DNAH5: variants seen among roughly 807,000 people sequenced by gnomAD.
The protein encoded by DNAH5 is dynein axonemal heavy chain 5.
Under a neutral mutation model 518.2 loss-of-function variants are expected in DNAH5, and 372 were observed. The observed-to-expected ratio is 0.72, with a 90% CI of 0.66 to 0.78. The LOEUF is 0.78. Ranked by LOEUF, DNAH5 falls within the 30% of genes least tolerant of loss-of-function variation. DNAH5 has a pLI of 0.00. For synonymous variants in DNAH5, 2,039 were observed against 2,025.9 expected (o/e 1.01, Z -0.17); for missense variants, 5,523 against 5,687.0 (o/e 0.97, Z 0.93).
At chr5:13,935,522 G>T (rs1314181085) in intron 1 of DNAH5, among the ~76,000 whole-genome samples, 2 of 152,120 alleles carry the variant, frequency 1.3e-5, no homozygotes, top group Non-Finnish European at 2.9e-5. Flanking sequence ...TAAACTGATT[G>T]TTCTATTGCC....
chr5:13,853,370 C>T (rs2084105), intron 30 of DNAH5, among the ~76,000 whole-genome samples: 52,572 of 151,984 alleles, frequency 0.35, 9,677 homozygotes, highest in East Asian at 0.58. Context: ...CCGAAGGTCA[C>T]CAACAGCAAA....
chr5:13,842,508 AAAAG>A (rs141748082), intron 32 of DNAH5, among the ~76,000 whole-genome samples: 1 of 87,718 alleles, frequency 1.1e-5, no homozygotes, highest in African/African-American at 4.7e-5. Flanking sequence ...GAAAGAAAGA[AAAAG>A]AAAGAAATCA....
At chr5:13,866,401 A>G in intron 25 of DNAH5, 119 bp from the exon 26 acceptor site, 5 of 863,696 alleles carry the variant, frequency 5.8e-6, no homozygotes, top group Non-Finnish European at 8.8e-6. Context: ...CTTCATTTTT[A>G]TTTGTTAGAA....
In DNAH5 at chr5:13,891,120, C is replaced by G; in HGVS notation, c.2433G>C (p.Lys811Asn). The G allele has an allele frequency of 6.2e-7, 1 of 1,613,914 alleles. No homozygotes were observed. Residue 811 changes from lysine to asparagine, a missense_variant and splice_region_variant, in exon 17 of 79, where the codon AAG (lysine) becomes AAC (asparagine). Coordinates refer to ENST00000265104, the MANE Select transcript of DNAH5 (RefSeq NM_001369.3). ...AYLENTFAKI[K>N]DLELLLDRVN... ...CCCTGTCAAGCAGCAACTCCAGGTC[C>G]TCTTTGGGAAAAAATAAAAGTAAAT...
At chr5:13,746,892 A>G (rs1004088587) in intron 65 of DNAH5, among the ~76,000 whole-genome samples, 1 of 151,724 alleles carries the variant, frequency 6.6e-6, no homozygotes, top group African/African-American at 2.4e-5. Context: ...TTTTTTTAAT[A>G]TATATTTTTA....
Position 13,944,427 on chromosome 5 carries a change from A to G in DNAH5, c.12T>C (p.Ile4=). Residue 4 remains isoleucine, a synonymous_variant, in exon 1 of 79, where the codon ATT becomes ATC. Coordinates refer to ENST00000265104, the MANE Select transcript of DNAH5 (RefSeq NM_001369.3). Reference sequence around the variant, plus strand: ...TATGCTTCCAGAGCTGTCTCCTCCCAATCCTAAACATTGTAGCCGTGCATG... The same window carrying G: ...TATGCTTCCAGAGCTGTCTCCTCCCGATCCTAAACATTGTAGCCGTGCATG... The part of the protein sequence containing the change: MFR[I]GRRQLWKHSV... The G allele has an allele frequency of 1.2e-6, 2 of 1,613,496 alleles. No homozygotes were observed. Among genetic ancestry groups the G allele is most frequent in the Non-Finnish European group, 1.7e-6 (2 of 1,179,924 alleles).
At chr5:13,727,429 A>T in intron 70 of DNAH5, 78 bp downstream of exon 70, 3 of 1,364,684 alleles carry the variant, frequency 2.2e-6, no homozygotes, top group Non-Finnish European at 3.0e-6. Context: ...ATTCACATTT[A>T]AAATATTTTT....
intron 18 of DNAH5, 131 bp downstream of exon 18, chr5:13,885,833 T>G: frequency 1.1e-6 from 1 of 870,630 alleles, no homozygotes. Flanking sequence ...AATTTCAGAT[T>G]TATACATATC....
intron 78 of DNAH5, 77 bp from the exon 79 acceptor site, chr5:13,692,212 T>TGCA: frequency 6.6e-7 from 1 of 1,518,264 alleles, no homozygotes; most frequent in Non-Finnish European, 9.1e-7. Flanking sequence ...GCCATGCTTC[T>TGCA]GCATTCTGTA....
In DNAH5 at chr5:13,966,497, C is replaced by T. The variant is rs185073484; in HGVS notation, c.13-35253G>A. Among the ~76,000 whole-genome samples, 78 of 152,302 alleles carry T rather than the reference C, an allele frequency of 5.1e-4. 1 individual carries two copies. Among genetic ancestry groups the T allele is most frequent in the Admixed American group, 5.0e-3 (77 of 15,292 alleles). ...TTCCCACCAGCAGTGTAAAAGTGTT[C>T]CCCTTTCACCACCTCCCCACCAACA... On this transcript the variant is annotated intron_variant, in intron 1 of 78. Transcript: ENST00000681290.
At chr5:13,886,521 T>A (rs1405452835) in intron 17 of DNAH5, among the ~76,000 whole-genome samples, 6 of 152,348 alleles carry the variant, frequency 3.9e-5, no homozygotes, top group South Asian at 2.1e-4. Context: ...TCAAAGACAC[T>A]ACCCACCCTT....
chr5:13,962,343 T>C (rs1781241744), intron 1 of DNAH5, among the ~76,000 whole-genome samples: 1 of 152,204 alleles, frequency 6.6e-6, no homozygotes. Context: ...ATCATGAAAA[T>C]CATGTTTTGA....
At chr5:13,865,571 T>C (rs1330293218) in intron 27 of DNAH5, 97 bp downstream of exon 27, 1 of 815,148 alleles carries the variant, frequency 1.2e-6, no homozygotes, top group Non-Finnish European at 2.2e-6. Context: ...AGATGTGCTT[T>C]TGAAATAGCT....
In DNAH5 at chr5:13,695,287, G is replaced by A. The variant is rs140931447; in HGVS notation, c.13724-3152C>T. Among the ~76,000 whole-genome samples, 371 of 152,262 alleles carry A rather than the reference G, an allele frequency of 2.4e-3. 1 individual carries two copies. The highest frequency in any genetic ancestry group is 7.1e-3 in the African/African-American group (294 of 41,532). On this transcript the variant is annotated intron_variant, in intron 78 of 78. Coordinates refer to ENST00000265104, the MANE Select transcript of DNAH5 (RefSeq NM_001369.3). ...GTCCTCTACCGGTGAACAGGGGCAC[G>A]AGCACTTTTCAGCCTGTAGCATGAT...
At position 13,691,963 on chromosome 5, in the gene DNAH5, G is replaced by C; in HGVS notation, c.*21C>G. ...AGATCTTGCATTTTCCAAAGCATTG[G>C]GTGGGGACACTCCCCACATGTTACT... is the stretch of plus-strand genomic sequence containing the variant. On this transcript the variant is annotated 3_prime_UTR_variant, in exon 79 of 79. Transcript: ENST00000265104. 6.2e-7 allele frequency: 1 copy of C among 1,613,554 alleles called. No individual in the cohort carries two copies. The highest frequency in any genetic ancestry group is 8.5e-7 in the Non-Finnish European group (1 of 1,179,626).
chr5:13,711,537 T>C (rs780208338), intron 75 of DNAH5, among the ~76,000 whole-genome samples: 1 of 151,974 alleles, frequency 6.6e-6, no homozygotes, highest in Non-Finnish European at 1.5e-5. Flanking sequence ...TCAAGAGAAA[T>C]AAATAAAGAG....
chr5:13,714,104 C>T (rs1312842843), intron 75 of DNAH5, among the ~76,000 whole-genome samples: 1 of 152,028 alleles, frequency 6.6e-6, no homozygotes, highest in Non-Finnish European at 1.5e-5. Flanking sequence ...GAACAAATGG[C>T]AATGTAAAGT....
chr5:13,696,179 T>C (rs1211371180), intron 78 of DNAH5, among the ~76,000 whole-genome samples: 1 of 152,188 alleles, frequency 6.6e-6, no homozygotes, highest in Non-Finnish European at 1.5e-5. Context: ...ACCAGAGGTA[T>C]GTAGAAGGCT....
At chr5:13,753,212 A>C (rs1451568140) in intron 63 of DNAH5, 21 bp downstream of exon 63, 3 of 1,591,474 alleles carry the variant, frequency 1.9e-6, no homozygotes. Flanking sequence ...GGTAGCATAA[A>C]CATACTAAAA....
Sources: allele counts gnomAD v4.1 joint callset (sites outside exome capture counted in the v4.1 genomes callset), GRCh38; gene constraint gnomAD v4.1.1; transcripts MANE v1.5; gene names NCBI Gene and HGNC (gene_info 2026-07-23, HGNC 2026-07-21).